CPNE4: variants seen among roughly 807,000 people sequenced by gnomAD.
CPNE4 encodes the protein copine 4, also known as copine-4.
A neutral mutation model predicts 67.9 loss-of-function variants in CPNE4; 25 were observed. The ratio of observed to expected loss-of-function variants is 0.37; its 90% CI spans 0.27 to 0.51. The LOEUF is 0.51. CPNE4 is among the 20% of genes least tolerant of loss of function. The pLI, the probability that CPNE4 is intolerant of heterozygous loss-of-function variation, is 0.93. For missense variants in CPNE4, 464 were observed against 690.8 expected (o/e 0.67, Z 3.68); for synonymous variants, 242 against 244.9 (o/e 0.99, Z 0.11).
At chr3:131,645,819 A>G (rs1005782596) in intron 7 of CPNE4, among the ~76,000 whole-genome samples, 18 of 152,194 alleles carry the variant, frequency 1.2e-4, no homozygotes, top group African/African-American at 4.1e-4. Context: ...GGCTAGGGGC[A>G]GGCATTACCA....
intron 2 of CPNE4, among the ~76,000 whole-genome samples, chr3:131,821,336 GC>G (rs894731123): frequency 2.0e-5 from 3 of 152,182 alleles, no homozygotes; most frequent in African/African-American, 7.2e-5. Context: ...TCCACAGAAG[GC>G]TGGGGAAATG....
intron 2 of CPNE4, among the ~76,000 whole-genome samples, chr3:131,831,925 A>G (rs1385875489): frequency 1.3e-5 from 2 of 152,202 alleles, no homozygotes; most frequent in African/African-American, 2.4e-5. Context: ...GATATGAGAT[A>G]TGACAGTTAA....
intron 7 of CPNE4, among the ~76,000 whole-genome samples, chr3:131,602,301 G>T (rs140708453): frequency 2.2e-3 from 342 of 152,232 alleles, no homozygotes; most frequent in African/African-American, 5.8e-3. Context: ...TCCATAGAGA[G>T]AAAACAACAA....
chr3:131,622,724 G>A (rs888952441), intron 7 of CPNE4, among the ~76,000 whole-genome samples: 1 of 152,152 alleles, frequency 6.6e-6, no homozygotes, highest in Non-Finnish European at 1.5e-5. Flanking sequence ...AGGGAAGGGG[G>A]AAATAATTGA....
intron 2 of CPNE4, among the ~76,000 whole-genome samples, chr3:131,754,942 G>C (rs1419424260): frequency 1.3e-5 from 2 of 152,112 alleles, no homozygotes; most frequent in African/African-American, 4.8e-5. Context: ...ATGTCTCTGT[G>C]AAACTAGAGT....
intron 3 of CPNE4, among the ~76,000 whole-genome samples, chr3:131,701,640 C>T (rs1422548189): frequency 2.6e-5 from 4 of 152,148 alleles, no homozygotes; most frequent in Admixed American, 2.0e-4. Context: ...CTCTGGCTAA[C>T]AGCCAGGAGC....
rs143431430 is a variant in CPNE4, at chr3:131,684,179, T to G, written c.591+1696A>C. 2.3e-3 allele frequency among the ~76,000 whole-genome samples: 353 copies of G among 152,288 alleles called. 2 individuals are homozygous for G. Among genetic ancestry groups the G allele is most frequent in the African/African-American group, 8.1e-3 (335 of 41,562 alleles). On this transcript the variant is annotated intron_variant, in intron 6 of 15. Coordinates refer to ENST00000429747, the MANE Select transcript of CPNE4 (RefSeq NM_130808.3). ...TGCTTTTTGTGTGTGTGTGGAGAGT[T>G]GTTTAATTTGGTGTTCTTATGGGTA...
At chr3:131,891,931 A>G (rs1024333544) in intron 2 of CPNE4, among the ~76,000 whole-genome samples, 2 of 152,072 alleles carry the variant, frequency 1.3e-5, no homozygotes, top group Non-Finnish European at 1.5e-5. Context: ...ATAAACAACT[A>G]CTTTTCAACT....
At chr3:131,638,580 T>G (rs2079455115) in intron 7 of CPNE4, among the ~76,000 whole-genome samples, 1 of 152,136 alleles carries the variant, frequency 6.6e-6, no homozygotes, top group Non-Finnish European at 1.5e-5. Context: ...GTGGGGGACT[T>G]TAATACTGCA....
chr3:132,009,605 TGTCA>T (rs1277675892), intron 1 of CPNE4, among the ~76,000 whole-genome samples: 4 of 152,128 alleles, frequency 2.6e-5, no homozygotes, highest in Admixed American at 2.0e-4. Flanking sequence ...CACTCCAGGA[TGTCA>T]GTCAGGCAGG....
chr3:131,900,236 A>C (rs1303413331), intron 2 of CPNE4, among the ~76,000 whole-genome samples: 1 of 143,710 alleles, frequency 7.0e-6, no homozygotes, highest in Non-Finnish European at 1.5e-5. Flanking sequence ...CAGGCATATG[A>C]AAAGGTGCTC....
rs1322950016 is a variant in CPNE4, at chr3:131,978,544, A to G, written c.-2+56023T>C. Among the ~76,000 whole-genome samples the G allele has an allele frequency of 7.8e-4, 59 of 75,868 alleles. 2 individuals carry two copies. The highest frequency in any genetic ancestry group is 6.5e-3 in the African/African-American group (59 of 9,092). The allele number at this position is 75,868 out of a possible 152,430, so 49.8% of individuals were successfully genotyped here. On this transcript the variant is annotated intron_variant, in intron 1 of 15. Transcript: ENST00000429747. ...TATATAAATATAAATATATATAAAT[A>G]TATATATATATATATGCCACAGTTT...
At chr3:132,015,891 C>T (rs143385823) in intron 1 of CPNE4, among the ~76,000 whole-genome samples, 20 of 152,328 alleles carry the variant, frequency 1.3e-4, no homozygotes, top group African/African-American at 4.6e-4. Context: ...CAGACATAAA[C>T]CAAGAATTGG....
intron 1 of CPNE4, among the ~76,000 whole-genome samples, chr3:132,010,101 C>A (rs2073714981): frequency 6.6e-6 from 1 of 152,208 alleles, no homozygotes; most frequent in African/African-American, 2.4e-5. Flanking sequence ...AGTACTATCA[C>A]CTGGCTATAA....
intron 2 of CPNE4, among the ~76,000 whole-genome samples, chr3:131,749,989 G>A (rs1183677622): frequency 6.6e-6 from 1 of 152,050 alleles, no homozygotes; most frequent in Non-Finnish European, 1.5e-5. Context: ...TGACATTGTG[G>A]GAGGCATCAC....
intron 7 of CPNE4, among the ~76,000 whole-genome samples, chr3:131,630,606 T>A (rs2107776754): frequency 6.6e-6 from 1 of 152,158 alleles, no homozygotes; most frequent in African/African-American, 2.4e-5. Flanking sequence ...GAAAATAAAA[T>A]AAAATTAAAA....
chr3:131,722,611 A>G (rs2081916353), intron 3 of CPNE4, among the ~76,000 whole-genome samples: 1 of 152,106 alleles, frequency 6.6e-6, no homozygotes, highest in South Asian at 2.1e-4. Context: ...TCTTCCTTTA[A>G]GGTCTACGAC....
At chr3:131,597,937 C>T (rs1001973859) in intron 7 of CPNE4, among the ~76,000 whole-genome samples, 1 of 152,142 alleles carries the variant, frequency 6.6e-6, no homozygotes, top group Non-Finnish European at 1.5e-5. Context: ...ACAAAAGAGG[C>T]CTTTCTCCCT....
chr3:132,039,120 G>T (rs1416140037), upstream of CPNE4, among the ~76,000 whole-genome samples: 1 of 152,204 alleles, frequency 6.6e-6, no homozygotes, highest in South Asian at 2.1e-4. Context: ...TTCAGATATA[G>T]AACATTTCTA....
Sources: allele counts gnomAD v4.1 joint callset (sites outside exome capture counted in the v4.1 genomes callset), GRCh38; gene constraint gnomAD v4.1.1; transcripts MANE v1.5; gene names NCBI Gene and HGNC (gene_info 2026-07-23, HGNC 2026-07-21).